Variants in TNNI3K observed in about 807,000 individuals in gnomAD.
TNNI3K encodes the protein TNNI3 interacting kinase.
Under a neutral mutation model 114.5 loss-of-function variants are expected in TNNI3K, and 140 were observed. That is an observed-to-expected ratio of 1.22 (90% CI 1.07 to 1.41). The LOEUF (loss-of-function observed/expected upper bound fraction) is 1.41. Ranked by LOEUF, TNNI3K falls within the 40% of genes most tolerant of loss-of-function variation. The probability of loss-of-function intolerance (pLI) is 0.00; values close to 1 mark genes in which losing one functional copy is unlikely to be tolerated. For synonymous variants in TNNI3K, 347 were observed against 347.5 expected, an observed-to-expected ratio of 1.00 and a Z score of 0.02; for missense variants, 1,125 against 1,007.6, an observed-to-expected ratio of 1.12 and a Z score of -1.58.
chr1:74,458,121 A>G (rs921181614), intron 20 of TNNI3K, among the ~76,000 whole-genome samples: 2 of 152,160 alleles, frequency 1.3e-5, no homozygotes, highest in Non-Finnish European at 2.9e-5. Flanking sequence ...GAGAGCCAAC[A>G]ATGTGCCTGG....
intron 9 of TNNI3K, among the ~76,000 whole-genome samples, chr1:74,350,329 A>G (rs924675031): frequency 2.6e-5 from 4 of 151,956 alleles, no homozygotes; most frequent in Non-Finnish European, 4.4e-5. Context: ...TGTGGTCTGA[A>G]AGTCAGTTTG....
In TNNI3K at chr1:74,324,163, A is replaced by G. The variant is rs144271745; in HGVS notation, c.445-7287A>G. Reference sequence around the variant, plus strand: ...TATCTTGGCAGATAGCCAAATACCTAAGTGTCCAATTTGTGACCAGTTGCT... The same window carrying G: ...TATCTTGGCAGATAGCCAAATACCTGAGTGTCCAATTTGTGACCAGTTGCT... On this transcript the variant is annotated intron_variant, in intron 5 of 24. Coordinates refer to ENST00000326637, the MANE Select transcript of TNNI3K (RefSeq NM_015978.3). 4.2e-3 allele frequency among the ~76,000 whole-genome samples: 634 copies of G among 152,368 alleles called. 6 individuals are homozygous for G. Among genetic ancestry groups the G allele is most frequent in the African/African-American group, 0.015 (604 of 41,590 alleles).
rs146394604 is a variant in TNNI3K at position 74,385,866 on chromosome 1, A to G, written c.1772+15474A>G. Among the ~76,000 whole-genome samples the G allele has an allele frequency of 6.2e-4, 94 of 152,334 alleles. No homozygotes were observed. In the East Asian group the frequency reaches 0.016, roughly 26 times the overall value. On this transcript the variant is annotated intron_variant, in intron 17 of 24. Coordinates refer to ENST00000326637, the MANE Select transcript of TNNI3K (RefSeq NM_015978.3). Reference sequence around the variant, plus strand: ...TGAAAGTGCATAAATTGGATGGCAAAGGAAAGGCCTAGAGTATTTATATAT... The same window carrying G: ...TGAAAGTGCATAAATTGGATGGCAAGGGAAAGGCCTAGAGTATTTATATAT...
At chr1:74,261,592 G>T (rs1312280873) in intron 4 of TNNI3K, among the ~76,000 whole-genome samples, 2 of 151,844 alleles carry the variant, frequency 1.3e-5, no homozygotes, top group African/African-American at 4.8e-5. Context: ...AAGACTTTGG[G>T]GAAAAAATTG....
At position 74,249,491 on chromosome 1, in the gene TNNI3K, A is replaced by G. The variant is rs749773017; in HGVS notation, c.182A>G (p.Asn61Ser). 8.1e-6 allele frequency: 13 copies of G among 1,613,692 alleles called. No homozygotes were observed. The highest frequency in any genetic ancestry group is 1.1e-5 in the Non-Finnish European group (13 of 1,179,812). The change falls in exon 3 of 25, where the codon AAT becomes AGT. Residue 61 changes from asparagine to serine, a missense_variant. Physicochemically the swap from Asn to Ser is conservative, Grantham distance 46 (BLOSUM62 1). Coordinates refer to ENST00000326637, the MANE Select transcript of TNNI3K (RefSeq NM_015978.3). Reference sequence around the variant, plus strand: ...GAAGCCTTCAGTAAAGTCAATTTAAATTACCGCACTGAAAATGGGCTGTCT... The same window carrying G: ...GAAGCCTTCAGTAAAGTCAATTTAAGTTACCGCACTGAAAATGGGCTGTCT... ...SDEAFSKVNL[N>S]YRTENGLSLL...
chr1:74,405,370 A>G (rs1212872754), intron 17 of TNNI3K, among the ~76,000 whole-genome samples: 4 of 152,208 alleles, frequency 2.6e-5, no homozygotes, highest in African/African-American at 7.2e-5. Flanking sequence ...TGAGTTTTGG[A>G]ACTATGAGGA....
At chr1:74,288,342 C>T (rs1219340081) in intron 5 of TNNI3K, among the ~76,000 whole-genome samples, 4 of 152,042 alleles carry the variant, frequency 2.6e-5, no homozygotes, top group Non-Finnish European at 5.9e-5. Context: ...GATGTGAAAT[C>T]AACCAATCAA....
intron 20 of TNNI3K, among the ~76,000 whole-genome samples, chr1:74,445,818 G>A (rs1266479875): frequency 6.6e-6 from 1 of 151,848 alleles, no homozygotes; most frequent in Middle Eastern, 3.2e-3. Context: ...CACCATTTTA[G>A]CCAGGATGGT....
intron 17 of TNNI3K, among the ~76,000 whole-genome samples, chr1:74,391,707 G>T (rs893604925): frequency 2.6e-5 from 4 of 152,112 alleles, no homozygotes; most frequent in African/African-American, 7.2e-5. Flanking sequence ...TGGAGTAGAT[G>T]AGATCATTTA....
rs554486388 is a variant in TNNI3K at position 74,540,318 on chromosome 1, G to A, written c.2431+5G>A. ...ACACACCCATTGACAAATATGGTAA[G>A]TAGGCAGATTCTTTAGGTTTGTTAA... On this transcript the variant is annotated splice_donor_5th_base_variant and intron_variant, in intron 24 of 24. Coordinates refer to ENST00000326637, the MANE Select transcript of TNNI3K (RefSeq NM_015978.3). The A allele has an allele frequency of 1.2e-6, 2 of 1,610,458 alleles. No homozygotes were observed. Among genetic ancestry groups the A allele is most frequent in the South Asian group, 1.1e-5 (1 of 90,492 alleles).
intron 2 of TNNI3K, chr1:74,240,090 C>T: frequency 2.7e-6 from 1 of 368,586 alleles, no homozygotes. Context: ...ATCAACATAA[C>T]AGCACTTACT....
At chr1:74,338,080 G>A (rs1210966107) in intron 7 of TNNI3K, among the ~76,000 whole-genome samples, 1 of 151,886 alleles carries the variant, frequency 6.6e-6, no homozygotes, top group Non-Finnish European at 1.5e-5. Context: ...ATATATATGA[G>A]AGAATTGATA....
At chr1:74,450,232 A>G (rs1444142391) in intron 20 of TNNI3K, among the ~76,000 whole-genome samples, 1 of 151,646 alleles carries the variant, frequency 6.6e-6, no homozygotes, top group Non-Finnish European at 1.5e-5. Flanking sequence ...GACATACCAG[A>G]ATCTCTGGGA....
intron 11 of TNNI3K, among the ~76,000 whole-genome samples, chr1:74,356,040 C>T (rs1661637353): frequency 6.6e-6 from 1 of 152,288 alleles, no homozygotes; most frequent in East Asian, 1.9e-4. Flanking sequence ...ACATTCTCTT[C>T]CAATCACTCC....
chr1:74,434,554 C>G (rs1332402487), intron 17 of TNNI3K, among the ~76,000 whole-genome samples: 1 of 151,978 alleles, frequency 6.6e-6, no homozygotes, highest in Non-Finnish European at 1.5e-5. Context: ...TAATCCCTTT[C>G]TTAACCCACT....
intron 5 of TNNI3K, among the ~76,000 whole-genome samples, chr1:74,299,250 T>C (rs1176770163): frequency 1.3e-5 from 2 of 152,182 alleles, no homozygotes; most frequent in African/African-American, 4.8e-5. Flanking sequence ...TGCTTATGGT[T>C]ACTGGCTTTT....
intron 2 of TNNI3K, chr1:74,240,580 T>A (rs888315305): frequency 6.6e-6 from 1 of 152,164 alleles, no homozygotes; most frequent in Non-Finnish European, 1.5e-5. Context: ...TTGAAAAAAC[T>A]ATGGAAGTGA....
chr1:74,464,363 C>T (rs757160028), intron 21 of TNNI3K, among the ~76,000 whole-genome samples: 1 of 152,146 alleles, frequency 6.6e-6, no homozygotes, highest in Non-Finnish European at 1.5e-5. Context: ...TTCCATTGCT[C>T]AGAGTGGAGA....
intron 20 of TNNI3K, among the ~76,000 whole-genome samples, chr1:74,461,155 T>C (rs1667437750): frequency 6.6e-6 from 1 of 152,220 alleles, no homozygotes; most frequent in African/African-American, 2.4e-5. Flanking sequence ...TGTTTGCTTA[T>C]TGATTTACCT....
Sources: allele counts gnomAD v4.1 joint callset (sites outside exome capture counted in the v4.1 genomes callset), GRCh38; gene constraint gnomAD v4.1.1; transcripts MANE v1.5; gene names NCBI Gene and HGNC (gene_info 2026-07-23, HGNC 2026-07-21).